Variants in SLC6A4 observed in about 807,000 individuals in gnomAD.
The protein encoded by SLC6A4 is sodium-dependent serotonin transporter.
A neutral mutation model predicts 73.4 loss-of-function variants in SLC6A4; 22 were observed. That is an observed-to-expected ratio of 0.30 (90% CI 0.21 to 0.43). SLC6A4 has a LOEUF of 0.43. Ranked by LOEUF, SLC6A4 falls within the 20% of genes least tolerant of loss-of-function variation. SLC6A4 has a pLI of 1.00. For missense variants in SLC6A4, 593 were observed against 808.5 expected, an observed-to-expected ratio of 0.73 and a Z score of 3.23; for synonymous variants, 270 against 315.5, an observed-to-expected ratio of 0.86 and a Z score of 1.53.
chr17:30,215,367 C>T (rs527499826), intron 8 of SLC6A4, among the ~76,000 whole-genome samples: 4 of 152,286 alleles, frequency 2.6e-5, no homozygotes, highest in East Asian at 3.9e-4. Context: ...TATACAGGAG[C>T]GCTGACAAAA....
chr17:30,226,863 A>G (rs1906940923), intron 1 of SLC6A4, among the ~76,000 whole-genome samples: 1 of 149,012 alleles, frequency 6.7e-6, no homozygotes, highest in South Asian at 2.1e-4. Context: ...ATAGAGTGAG[A>G]CTCTGTCTCA....
Position 30,217,228 on chromosome 17 carries a change from T to C in SLC6A4, c.775A>G (p.Ile259Val). The part of the protein sequence containing the change: ...GGISWQLALC[I>V]MLIFTVIYFS... ...TAGATAACAGTGAAGATCAGCATGA[T>C]GCAGAGGGCCAGCTGCCAGCTGATG... Residue 259 changes from isoleucine (I) to valine (V), a missense_variant, in exon 6 of 15, where the codon ATC becomes GTC. Transcript: ENST00000650711. 6.2e-7 allele frequency: 1 copy of C among 1,614,054 alleles called. No homozygotes were observed. Among genetic ancestry groups the C allele is most frequent in the Non-Finnish European group, 8.5e-7 (1 of 1,179,904 alleles).
chr17:30,231,811 T>G (rs1452464765), intron 1 of SLC6A4, among the ~76,000 whole-genome samples: 2 of 152,048 alleles, frequency 1.3e-5, no homozygotes, highest in Admixed American at 1.3e-4. Flanking sequence ...CCCTCCCTGT[T>G]CCTTCGGCCC....
At chr17:30,232,996 G>A (rs970711791) in intron 1 of SLC6A4, among the ~76,000 whole-genome samples, 3 of 152,190 alleles carry the variant, frequency 2.0e-5, no homozygotes, top group Non-Finnish European at 4.4e-5. Flanking sequence ...TTGATGCCAG[G>A]TTTCTGTGAA....
intron 1 of SLC6A4, among the ~76,000 whole-genome samples, chr17:30,232,789 C>T (rs1907152002): frequency 6.6e-6 from 1 of 152,208 alleles, no homozygotes; most frequent in Admixed American, 6.5e-5. Context: ...CATTCGTCTT[C>T]CCAGTCACCC....
intron 1 of SLC6A4, among the ~76,000 whole-genome samples, chr17:30,223,165 A>G (rs1906824461): frequency 6.6e-6 from 1 of 152,208 alleles, no homozygotes; most frequent in African/African-American, 2.4e-5. Flanking sequence ...AAGACTGTTC[A>G]ACTGCTCACT....
At chr17:30,234,813 A>C (rs1907220421) in intron 1 of SLC6A4, among the ~76,000 whole-genome samples, 2 of 152,134 alleles carry the variant, frequency 1.3e-5, no homozygotes, top group Non-Finnish European at 2.9e-5. Flanking sequence ...CAGAAATTCT[A>C]CCCCTCTCAA....
At chr17:30,232,992 C>A (rs914030346) in intron 1 of SLC6A4, among the ~76,000 whole-genome samples, 4 of 152,306 alleles carry the variant, frequency 2.6e-5, no homozygotes, top group Non-Finnish European at 2.9e-5. Flanking sequence ...ATCATTGATG[C>A]CAGGTTTCTG....
In SLC6A4 at chr17:30,197,425, C is replaced by A. The variant is rs1186081271; in HGVS notation, c.*1031G>T. ...AATCCGATTTACCCTCCTCTCTTCA[C>A]CGAGCAAAGCAACCTGGACAGTCAA... is the stretch of plus-strand genomic sequence containing the variant. On this transcript the variant is annotated 3_prime_UTR_variant, in exon 15 of 15. Transcript: ENST00000650711. 2.6e-5 allele frequency: 4 copies of A among 152,380 alleles called. No individual in the cohort carries two copies. Among genetic ancestry groups the A allele is most frequent in the African/African-American group, 9.7e-5 (4 of 41,446 alleles). The allele number at this position is 152,380 out of a possible 1,614,324, so 9.4% of individuals were successfully genotyped here.
chr17:30,229,369 C>T lies in SLC6A4; in HGVS notation c.-221+6244G>A, dbSNP rs575631938. Among the ~76,000 whole-genome samples, 11 of 152,110 alleles carry T rather than the reference C, an allele frequency of 7.2e-5. No individual in the cohort carries two copies. The East Asian group carries it at 1.7e-3, about 24-fold the overall frequency. ...CTGAAACGAAAGCTGTAGAACACAGCGTTGTTAAGTGCTACACGACGGCTT... is the reference window on the plus strand; with the variant it reads ...CTGAAACGAAAGCTGTAGAACACAGTGTTGTTAAGTGCTACACGACGGCTT... On this transcript the variant is annotated intron_variant, in intron 1 of 14. Transcript: ENST00000650711.
chr17:30,199,795 G>A (rs560807026), intron 14 of SLC6A4, among the ~76,000 whole-genome samples: 24 of 152,250 alleles, frequency 1.6e-4, no homozygotes, highest in African/African-American at 5.1e-4. Flanking sequence ...AAAGCAACTT[G>A]TCAGAAACCA....
chr17:30,219,492 T>C (rs1271172699), intron 3 of SLC6A4, among the ~76,000 whole-genome samples: 2 of 152,220 alleles, frequency 1.3e-5, no homozygotes, highest in African/African-American at 2.4e-5. Flanking sequence ...TGCAACTCTC[T>C]GTGAGTCACC....
intron 8 of SLC6A4, among the ~76,000 whole-genome samples, chr17:30,214,620 CTCTTTCTT>C (rs750041879): frequency 6.7e-6 from 1 of 148,516 alleles, no homozygotes; most frequent in Non-Finnish European, 1.5e-5. Flanking sequence ...TTTGCAATTT[CTCTTTCTT>C]TCTTTCTTTT....
In SLC6A4 at chr17:30,195,492, C is replaced by T. The variant is rs1242117390; in HGVS notation, c.*2964G>A. On this transcript the variant is annotated 3_prime_UTR_variant, in exon 15 of 15. Transcript: ENST00000650711. ...GCCAGGCTGGTCTCGAACTCCTGAC[C>T]TCAAGTGATCCGCCCACCTTGGCCT... The T allele has an allele frequency of 2.0e-5, 3 of 152,160 alleles. No individual in the cohort carries two copies. The highest frequency in any genetic ancestry group is 2.0e-4 in the Admixed American group (3 of 15,274). 9.4% of individuals were successfully genotyped at this position (152,160 alleles called of 1,614,324 possible).
At position 30,227,675 on chromosome 17, in the gene SLC6A4, T is replaced by C. The variant is rs569128541; in HGVS notation, c.-220-4760A>G. Among the ~76,000 whole-genome samples the C allele has an allele frequency of 3.3e-5, 5 of 152,228 alleles. No individual in the cohort carries two copies. In the East Asian group the frequency reaches 7.7e-4, roughly 23 times the overall value. ...TAATTTTTTGTATTTTTTTCAGAGA[T>C]GGGGTTTCACCATGTTGCCCAGGTT... On this transcript the variant is annotated intron_variant, in intron 1 of 14. Coordinates refer to ENST00000650711, the MANE Select transcript of SLC6A4 (RefSeq NM_001045.6).
At position 30,194,838 on chromosome 17, in the gene SLC6A4, G is replaced by T. The variant is rs1905803613; in HGVS notation, c.*3618C>A. ...TCTTCAGTTACAGAATTGAAGGACT[G>T]ATGCCATCTATTCTCTCCCCCAAAC... On this transcript the variant is annotated 3_prime_UTR_variant, in exon 15 of 15. Coordinates refer to ENST00000650711, the MANE Select transcript of SLC6A4 (RefSeq NM_001045.6). The T allele has an allele frequency of 6.6e-6, 1 of 152,218 alleles. No individual in the cohort carries two copies. Among genetic ancestry groups the T allele is most frequent in the Admixed American group, 6.5e-5 (1 of 15,278 alleles). The allele number at this position is 152,218 out of a possible 1,614,324, so 9.4% of individuals were successfully genotyped here.
intron 8 of SLC6A4, 107 bp from the exon 9 acceptor site, chr17:30,212,974 G>A (rs978589666): frequency 8.2e-7 from 1 of 1,221,086 alleles, no homozygotes; most frequent in Non-Finnish European, 1.2e-6. Flanking sequence ...GCCACAGCAA[G>A]GACAAGCAGG....
At position 30,198,311 on chromosome 17, in the gene SLC6A4, CA is replaced by C; in HGVS notation, c.*144del. The C allele has an allele frequency of 1.8e-6, 1 of 569,246 alleles. No individual in the cohort carries two copies. The highest frequency in any genetic ancestry group is 3.2e-6 in the Non-Finnish European group (1 of 316,078). The allele number at this position is 569,246 out of a possible 1,614,324, so 35.3% of individuals were successfully genotyped here. A position where few individuals can be genotyped will look rare whatever the true frequency, so the allele number is the denominator to read the frequency against. Reference sequence around the variant, plus strand: ...AGTGGCTGGAGGCCTTGAGTCTGGGCACCAGACTGTGTCCCTGTGGAGAAGG... The same window carrying C: ...AGTGGCTGGAGGCCTTGAGTCTGGGCCCAGACTGTGTCCCTGTGGAGAAGG... On this transcript the variant is annotated 3_prime_UTR_variant, in exon 15 of 15. Coordinates refer to ENST00000650711, the MANE Select transcript of SLC6A4 (RefSeq NM_001045.6).
intron 1 of SLC6A4, among the ~76,000 whole-genome samples, chr17:30,231,624 G>C (rs1027922985): frequency 1.3e-5 from 2 of 152,036 alleles, no homozygotes; most frequent in Non-Finnish European, 2.9e-5. Context: ...GAGTGACTTT[G>C]TACACAAATT....
Sources: allele counts gnomAD v4.1 joint callset (sites outside exome capture counted in the v4.1 genomes callset), GRCh38; gene constraint gnomAD v4.1.1; transcripts MANE v1.5; gene names NCBI Gene and HGNC (gene_info 2026-07-23, HGNC 2026-07-21).